Variants in OTOP2 observed in about 807,000 individuals in gnomAD.
OTOP2 encodes the protein otopetrin 2.
A neutral mutation model predicts 47.4 loss-of-function variants in OTOP2; 41 were observed. The observed-to-expected ratio is 0.87, with a 90% CI of 0.67 to 1.12. The LOEUF is 1.12. Ranked by LOEUF, OTOP2 falls within the 50% of genes most tolerant of loss-of-function variation. OTOP2 has a pLI of 0.00. For missense variants in OTOP2, 721 were observed against 752.2 expected, an observed-to-expected ratio of 0.96 and a Z score of 0.49; for synonymous variants, 328 against 319.6, an observed-to-expected ratio of 1.03 and a Z score of -0.28.
rs2039041310 is a variant in OTOP2 at position 74,930,131 on chromosome 17, C to T, written c.644-148C>T. On this transcript the variant is annotated intron_variant, in intron 5 of 6. Transcript: ENST00000331427. This position sits in a 1 kb window ranked among gnomAD's most constrained non-coding sequence, Gnocchi z 4.0. The stretch of plus-strand genomic sequence containing the variant: ...CCGGGAGGTGAAGCTTGCAGTGAGC[C>T]AAGATCACACCATTGCACTCCAGCC... The T allele has an allele frequency of 1.1e-6, 1 of 873,552 alleles. No homozygotes were observed. The highest frequency in any genetic ancestry group is 2.0e-5 in the South Asian group (1 of 49,932). The allele number at this position is 873,552 out of a possible 1,614,324, so 54.1% of individuals were successfully genotyped here. A position where few individuals can be genotyped will look rare whatever the true frequency, so the allele number is the denominator to read the frequency against.
intron 6 of OTOP2, among the ~76,000 whole-genome samples, chr17:74,931,537 T>C (rs2039058805): frequency 6.6e-6 from 1 of 152,118 alleles, no homozygotes; most frequent in Non-Finnish European, 1.5e-5. Flanking sequence ...CTCAGAATAA[T>C]TGGAACAGTG....
rs1341027881 is a variant in OTOP2 at position 74,930,432 on chromosome 17, G to A, written c.797G>A (p.Gly266Asp). ...CTGTATGTCATGTGGAAGAATGTGGGTAGATTCCTGGCCTCCACCCCTGGC... is the reference window on the plus strand; with the variant it reads ...CTGTATGTCATGTGGAAGAATGTGGATAGATTCCTGGCCTCCACCCCTGGC... ...TMLYVMWKNV[G>D]RFLASTPGHS... Residue 266 changes from glycine to aspartate, a missense_variant, in exon 6 of 7, where the codon GGT (glycine) becomes GAT (aspartate). Physicochemically the swap from Gly to Asp is moderately conservative, Grantham distance 94. Transcript: ENST00000331427. The surrounding 1 kb of genome is among the most constrained non-coding windows in gnomAD (Gnocchi z 4.0). 6.2e-7 allele frequency: 1 copy of A among 1,614,182 alleles called. No individual in the cohort carries two copies. The highest frequency in any genetic ancestry group is 8.5e-7 in the Non-Finnish European group (1 of 1,180,028).
In OTOP2 at chr17:74,927,798, C is replaced by A. The variant is rs953656090; in HGVS notation, c.643C>A (p.Gln215Lys). 2.5e-6 allele frequency: 4 copies of A among 1,613,458 alleles called. No individual in the cohort carries two copies. The highest frequency in any genetic ancestry group is 2.2e-5 in the East Asian group (1 of 44,888). Residue 215 changes from glutamine to lysine, a missense_variant and splice_region_variant, in exon 5 of 7, where the codon CAG becomes AAG. By Grantham distance (53) the Gln-to-Lys change is moderately conservative (BLOSUM62 1). Coordinates refer to ENST00000331427, the MANE Select transcript of OTOP2 (RefSeq NM_178160.3). ...NASHARLISD[Q>K]HADNPVGGDS... ...CAGCCACGCCCGTCTCATCTCTGAC[C>A]GTGAGTTTCCTCTTAATGCTGGCCC... is the stretch of plus-strand genomic sequence containing the variant.
At chr17:74,928,274 G>A (rs1293303024) in intron 5 of OTOP2, among the ~76,000 whole-genome samples, 3 of 152,130 alleles carry the variant, frequency 2.0e-5, no homozygotes, top group African/African-American at 7.2e-5. Flanking sequence ...GAGCCTGGGA[G>A]GTCGAGACTG....
At chr17:74,927,867 C>A (rs1208078608) in intron 5 of OTOP2, 69 bp downstream of exon 5, 7 of 1,549,604 alleles carry the variant, frequency 4.5e-6, no homozygotes, top group Non-Finnish European at 6.1e-6. Flanking sequence ...GAATTTATAA[C>A]GTCAGTCTCC....
rs1433409044 is a variant in OTOP2 at position 74,933,129 on chromosome 17, A to T, written c.1519-246A>T. ...TGCTAAGATTTTGGGAGAGGTGATC[A>T]CAGGTGTCCATGAGGTGGGCTAGCC... On this transcript the variant is annotated intron_variant, in intron 6 of 6. Transcript: ENST00000331427. This position sits in a 1 kb window ranked among gnomAD's most constrained non-coding sequence, Gnocchi z 4.7. 6.6e-6 allele frequency among the ~76,000 whole-genome samples: 1 copy of T among 152,142 alleles called. No individual in the cohort carries two copies. Among genetic ancestry groups the T allele is most frequent in the Non-Finnish European group, 1.5e-5 (1 of 68,016 alleles).
At position 74,933,717 on chromosome 17, in the gene OTOP2, G is replaced by A; in HGVS notation, c.*172G>A. On this transcript the variant is annotated 3_prime_UTR_variant, in exon 7 of 7. Coordinates refer to ENST00000331427, the MANE Select transcript of OTOP2 (RefSeq NM_178160.3). This position sits in a 1 kb window ranked among gnomAD's most constrained non-coding sequence, Gnocchi z 4.7. Reference sequence around the variant, plus strand: ...TTCCAGGTTCAATTTTTAAATCACAGTCAGGACAGGCCCATCCACCCCAGT... The same window carrying A: ...TTCCAGGTTCAATTTTTAAATCACAATCAGGACAGGCCCATCCACCCCAGT... 1.3e-6 allele frequency: 1 copy of A among 790,662 alleles called. No homozygotes were observed. The allele number at this position is 790,662 out of a possible 1,614,324, so 49.0% of individuals were successfully genotyped here.
In OTOP2 at chr17:74,924,909, T is replaced by A; in HGVS notation, c.277T>A (p.Tyr93Asn). ...CGTGCGCTGCCCCTGCGCGGTACCCTACCGGGACGCGCACGCTGGCCCCAT... is the reference window on the plus strand; with the variant it reads ...CGTGCGCTGCCCCTGCGCGGTACCCAACCGGGACGCGCACGCTGGCCCCAT... Reference protein sequence around the residue: ...RTVRCPCAVPYRDAHAGPIWL... With the variant: ...RTVRCPCAVPNRDAHAGPIWL... The change falls in exon 2 of 7, where the codon TAC (tyrosine) becomes AAC (asparagine). Residue 93 changes from tyrosine to asparagine, a missense_variant. Tyr to Asn is a moderately radical substitution (Grantham distance 143). Transcript: ENST00000331427. The surrounding 1 kb of genome is among the most constrained non-coding windows in gnomAD (Gnocchi z 7.7). 1.9e-6 allele frequency: 3 copies of A among 1,586,884 alleles called. No homozygotes were observed. The highest frequency in any genetic ancestry group is 2.6e-6 in the Non-Finnish European group (3 of 1,166,976).
chr17:74,927,120 A>G (rs2039014428), intron 3 of OTOP2, 103 bp from the exon 4 acceptor site: 1 of 1,076,112 alleles, frequency 9.3e-7, no homozygotes, highest in Non-Finnish European at 1.5e-6. Context: ...AACTCAGTGT[A>G]AGGGTTCCTC....
chr17:74,927,817 C>T lies in OTOP2; in HGVS notation c.643+19C>T. ...TCTGACCGTGAGTTTCCTCTTAATG[C>T]TGGCCCTGTGGCTACCAGGCCTTGG... On this transcript the variant is annotated intron_variant, in intron 5 of 6. Transcript: ENST00000331427. The T allele has an allele frequency of 1.9e-6, 3 of 1,612,296 alleles. No homozygotes were observed. Among genetic ancestry groups the T allele is most frequent in the Non-Finnish European group, 2.5e-6 (3 of 1,179,110 alleles).
intron 6 of OTOP2, among the ~76,000 whole-genome samples, chr17:74,932,569 C>G (rs371600241): frequency 7.2e-5 from 11 of 152,258 alleles, no homozygotes; most frequent in African/African-American, 2.7e-4. Flanking sequence ...TGGCCCCCTG[C>G]CCTCTGGCCC....
In OTOP2 at chr17:74,924,830, C is replaced by T; in HGVS notation, c.198C>T (p.Leu66=). The change falls in exon 2 of 7, where the codon CTC becomes CTT. Residue 66 remains leucine (L), a synonymous_variant. Transcript: ENST00000331427. This position sits in a 1 kb window ranked among gnomAD's most constrained non-coding sequence, Gnocchi z 7.7. ...ACGACACCGACGTGTTCGCGCTGCT[C>T]ACTGCGATGATGCTGCTGGCAACGC... ...AVYDTDVFAL[L]TAMMLLATLW... is the part of the protein sequence containing the mutation. 1 of 1,610,800 alleles carries T rather than the reference C, an allele frequency of 6.2e-7. No individual in the cohort carries two copies. Among genetic ancestry groups the T allele is most frequent in the Non-Finnish European group, 8.5e-7 (1 of 1,178,734 alleles).
rs753645759 is a variant in OTOP2 at position 74,930,243 on chromosome 17, G to A, written c.644-36G>A. 7 of 1,581,518 alleles carry A rather than the reference G, an allele frequency of 4.4e-6. No homozygotes were observed. The South Asian group carries it at 7.9e-5, about 18-fold the overall frequency. ...GGGTGAGACCTCTCTAGGAAGGCAGGAGGGCTGTCCAGCCCTGTGTCTCTC... is the reference window on the plus strand; with the variant it reads ...GGGTGAGACCTCTCTAGGAAGGCAGAAGGGCTGTCCAGCCCTGTGTCTCTC... On this transcript the variant is annotated intron_variant, in intron 5 of 6. Transcript: ENST00000331427. The surrounding 1 kb of genome is among the most constrained non-coding windows in gnomAD (Gnocchi z 4.0).
Position 74,924,818 on chromosome 17 carries a change from G to A in OTOP2, c.186G>A (p.Val62=). The A allele has an allele frequency of 1.9e-6, 3 of 1,611,588 alleles. No individual in the cohort carries two copies. Among genetic ancestry groups the A allele is most frequent in the Non-Finnish European group, 2.5e-6 (3 of 1,179,128 alleles). ...FNKVAVYDTD[V]FALLTAMMLL... Reference sequence around the variant, plus strand: ...AGGTGGCCGTGTACGACACCGACGTGTTCGCGCTGCTCACTGCGATGATGC... The same window carrying A: ...AGGTGGCCGTGTACGACACCGACGTATTCGCGCTGCTCACTGCGATGATGC... Residue 62 remains valine (V), a synonymous_variant, in exon 2 of 7, where the codon GTG becomes GTA. Coordinates refer to ENST00000331427, the MANE Select transcript of OTOP2 (RefSeq NM_178160.3). This position sits in a 1 kb window ranked among gnomAD's most constrained non-coding sequence, Gnocchi z 7.7.
At chr17:74,929,841 G>A (rs990981992) in intron 5 of OTOP2, among the ~76,000 whole-genome samples, 10 of 152,194 alleles carry the variant, frequency 6.6e-5, no homozygotes, top group Admixed American at 5.9e-4. Context: ...GAGGGATACC[G>A]TGGTGAATAT....
intron 6 of OTOP2, among the ~76,000 whole-genome samples, chr17:74,931,385 A>T (rs1225389970): frequency 1.3e-5 from 2 of 152,150 alleles, no homozygotes; most frequent in African/African-American, 4.8e-5. Flanking sequence ...TAAGCAGCAG[A>T]TGGAGCTGGA....
chr17:74,930,577 G>T lies in OTOP2; in HGVS notation c.942G>T (p.Val314=). ...LAVFIIYEVQ[V]SGDGSRTRQA... ...TCTTCATCATCTACGAGGTTCAAGT[G>T]AGCGGGGACGGGAGCCGCACCAGGC... The change falls in exon 6 of 7, where the codon GTG becomes GTT. Residue 314 remains valine, a synonymous_variant. Transcript: ENST00000331427. This position sits in a 1 kb window ranked among gnomAD's most constrained non-coding sequence, Gnocchi z 4.0. The T allele has an allele frequency of 1.2e-6, 2 of 1,614,004 alleles. No individual in the cohort carries two copies. Among genetic ancestry groups the T allele is most frequent in the East Asian group, 2.2e-5 (1 of 44,874 alleles).
chr17:74,926,217 C>T (rs1299423377), intron 3 of OTOP2, among the ~76,000 whole-genome samples: 1 of 152,164 alleles, frequency 6.6e-6, no homozygotes, highest in Non-Finnish European at 1.5e-5. Context: ...CAGCCCCCAG[C>T]CCTCTATCAT....
Position 74,933,267 on chromosome 17 carries a change from A to G in OTOP2, c.1519-108A>G. The G allele has an allele frequency of 2.9e-6, 4 of 1,362,568 alleles. No individual in the cohort carries two copies. In the South Asian group the frequency reaches 5.5e-5, roughly 19 times the overall value. The allele number at this position is 1,362,568 out of a possible 1,614,324, so 84.4% of individuals were successfully genotyped here. ...TGACACCCAGCCCTCCGTGTCCACCAAGCTAGAAGGATGGGCCGCCATCTA... is the reference window on the plus strand; with the variant it reads ...TGACACCCAGCCCTCCGTGTCCACCGAGCTAGAAGGATGGGCCGCCATCTA... On this transcript the variant is annotated intron_variant, in intron 6 of 6. Coordinates refer to ENST00000331427, the MANE Select transcript of OTOP2 (RefSeq NM_178160.3). This position sits in a 1 kb window ranked among gnomAD's most constrained non-coding sequence, Gnocchi z 4.7.
Sources: gnomAD v4.1 joint callset for allele counts (sites outside exome capture counted in the v4.1 genomes callset) on GRCh38, gnomAD v4.1.1 for gene constraint, Gnocchi (gnomAD v3.1) non-coding constraint, MANE v1.5 for transcripts, NCBI Gene and HGNC (gene_info 2026-07-23, HGNC 2026-07-21) for gene names.